ANKS1B: variants seen among roughly 807,000 people sequenced by gnomAD.
ANKS1B encodes the protein ankyrin repeat and sterile alpha motif domain containing 1B, also known as ankyrin repeat and sterile alpha motif domain-containing protein 1B.
In ANKS1B, 36 loss-of-function variants were observed where a neutral mutation model predicts 148.3. The ratio of observed to expected loss-of-function variants is 0.24; its 90% CI spans 0.19 to 0.32. The LOEUF is 0.32. Among genes scored for constraint, ANKS1B ranks in the 10% least tolerant of loss-of-function variants. ANKS1B has a pLI of 1.00. For missense variants in ANKS1B, 1,157 were observed against 1,542.6 expected, an observed-to-expected ratio of 0.75 and a Z score of 4.19; for synonymous variants, 542 against 560.8, an observed-to-expected ratio of 0.97 and a Z score of 0.47.
intron 10 of ANKS1B, among the ~76,000 whole-genome samples, chr12:99,475,601 A>G (rs1002150815): frequency 6.6e-6 from 1 of 151,804 alleles, no homozygotes; most frequent in Non-Finnish European, 1.5e-5. Flanking sequence ...CCATTTTTTT[A>G]TAATTCCATT....
In ANKS1B at chr12:98,745,374, A is replaced by ATTTTTTTTTTTTT. The variant is rs2097857067; in HGVS notation, c.*364_*365insAAAAAAAAAAAAA. 2.7e-6 allele frequency: 2 copies of ATTTTTTTTTTTTT among 747,966 alleles called. No individual in the cohort carries two copies. Among genetic ancestry groups the ATTTTTTTTTTTTT allele is most frequent in the Non-Finnish European group, 1.5e-6 (1 of 651,914 alleles). The allele number at this position is 747,966 out of a possible 1,614,324, so 46.3% of individuals were successfully genotyped here. The stretch of plus-strand genomic sequence containing the variant: ...TTAGGCAGTATTAGAGATCCCCTTT[A>ATTTTTTTTTTTTT]CTTTTTTTTTTTTTTTTTTTTTTTT... On this transcript the variant is annotated 3_prime_UTR_variant, in exon 27 of 27. Transcript: ENST00000683438.
At position 99,676,856 on chromosome 12, in the gene ANKS1B, A is replaced by T. The variant is rs533671052; in HGVS notation, c.1129-21646T>A. 9.8e-5 allele frequency among the ~76,000 whole-genome samples: 15 copies of T among 152,322 alleles called. No individual in the cohort carries two copies. The South Asian group carries it at 3.1e-3, about 32-fold the overall frequency. On this transcript the variant is annotated intron_variant, in intron 8 of 26. Transcript: ENST00000683438. ...GCAAGAACTACCACAGATCCCTAAG[A>T]CTATTGTTCTATAAATGTTAAATTA...
chr12:99,257,642 T>C (rs755992302), intron 12 of ANKS1B, among the ~76,000 whole-genome samples: 2 of 152,180 alleles, frequency 1.3e-5, no homozygotes, highest in Non-Finnish European at 2.9e-5. Flanking sequence ...TCTATAGTCA[T>C]TGAGCGCTAA....
chr12:99,697,965 T>A (rs2054189233), intron 8 of ANKS1B, among the ~76,000 whole-genome samples: 1 of 152,018 alleles, frequency 6.6e-6, no homozygotes, highest in African/African-American at 2.4e-5. Flanking sequence ...TGCTTTTGAT[T>A]AAGAAAAACG....
chr12:98,842,813 A>G (rs1245089774), intron 17 of ANKS1B, among the ~76,000 whole-genome samples: 1 of 152,230 alleles, frequency 6.6e-6, no homozygotes, highest in Non-Finnish European at 1.5e-5. Flanking sequence ...CTAGGAGCCT[A>G]GTACTATTTA....
intron 8 of ANKS1B, among the ~76,000 whole-genome samples, chr12:99,692,824 G>A (rs570567966): frequency 1.3e-5 from 2 of 152,262 alleles, no homozygotes; most frequent in Admixed American, 1.3e-4. Context: ...AAAAGCATGT[G>A]TTCTACTTCG....
chr12:98,979,035 G>T (rs1456994469), intron 17 of ANKS1B, among the ~76,000 whole-genome samples: 3 of 151,508 alleles, frequency 2.0e-5, no homozygotes, highest in Non-Finnish European at 4.4e-5. Context: ...CCAGCTACTC[G>T]GGAGGCTGAG....
At chr12:99,683,956 A>G (rs984112331) in intron 8 of ANKS1B, among the ~76,000 whole-genome samples, 3 of 152,118 alleles carry the variant, frequency 2.0e-5, no homozygotes, top group Non-Finnish European at 4.4e-5. Context: ...GAAGGGACAT[A>G]TCTTAAGGTA....
intron 16 of ANKS1B, among the ~76,000 whole-genome samples, chr12:99,079,023 G>A (rs1565932845): frequency 6.6e-6 from 1 of 152,186 alleles, no homozygotes; most frequent in Non-Finnish European, 1.5e-5. Context: ...TCAGCCAACA[G>A]TGTGTGAGGC....
intron 9 of ANKS1B, among the ~76,000 whole-genome samples, chr12:99,644,897 C>T (rs956728618): frequency 1.3e-5 from 2 of 152,100 alleles, no homozygotes; most frequent in Non-Finnish European, 2.9e-5. Flanking sequence ...CATGGCTGCA[C>T]CACTCTGACC....
At chr12:99,466,065 A>G (rs868497406) in intron 10 of ANKS1B, among the ~76,000 whole-genome samples, 2 of 152,088 alleles carry the variant, frequency 1.3e-5, no homozygotes, top group African/African-American at 2.4e-5. Context: ...AAATGTAAAA[A>G]AACAGAAATT....
chr12:98,819,946 T>C (rs1313893078), intron 19 of ANKS1B, among the ~76,000 whole-genome samples: 1 of 152,196 alleles, frequency 6.6e-6, no homozygotes, highest in Non-Finnish European at 1.5e-5. Context: ...TTGTTTACTA[T>C]CTCTGATTTG....
At chr12:98,735,486 A>G (rs2097768382) in exon 10 of ANKS1B, 3 of 583,550 alleles carry the variant, frequency 5.1e-6, no homozygotes, top group Non-Finnish European at 9.9e-6. Context: ...TTAGACCACT[A>G]AAGTGAAGGA....
At chr12:99,420,683 T>C (rs1457447313) in intron 11 of ANKS1B, among the ~76,000 whole-genome samples, 9 of 152,176 alleles carry the variant, frequency 5.9e-5, no homozygotes, top group African/African-American at 2.2e-4. Context: ...TGAAGGGGTA[T>C]AAGTATATAA....
At chr12:98,980,452 C>T (rs1177119443) in intron 17 of ANKS1B, among the ~76,000 whole-genome samples, 7 of 152,192 alleles carry the variant, frequency 4.6e-5, no homozygotes, top group Admixed American at 2.6e-4. Flanking sequence ...GTGATCTGCC[C>T]GCCTCGGCCT....
intron 15 of ANKS1B, among the ~76,000 whole-genome samples, chr12:99,129,689 C>T (rs2065527478): frequency 6.6e-6 from 1 of 152,152 alleles, no homozygotes; most frequent in African/African-American, 2.4e-5. Context: ...TGGGTTAAAA[C>T]TTTAAAGTCT....
intron 9 of ANKS1B, among the ~76,000 whole-genome samples, chr12:99,580,988 T>C (rs1185006996): frequency 5.3e-5 from 8 of 152,190 alleles, no homozygotes; most frequent in Admixed American, 1.3e-4. Flanking sequence ...TTGACCTATA[T>C]ATTCAGTGCA....
intron 21 of ANKS1B, 118 bp downstream of exon 21, chr12:98,800,879 T>C (rs59767729): frequency 3.1e-6 from 4 of 1,270,476 alleles, no homozygotes; most frequent in Non-Finnish European, 3.2e-6. Context: ...AAAAACATTT[T>C]AAAAATTTCA....
At chr12:98,814,181 T>A (rs543283461) in intron 19 of ANKS1B, among the ~76,000 whole-genome samples, 67 of 152,184 alleles carry the variant, frequency 4.4e-4, no homozygotes, top group African/African-American at 1.6e-3. Flanking sequence ...CGCCTGGCCA[T>A]AATTAAGCTT....
Sources: gnomAD v4.1 joint callset for allele counts (sites outside exome capture counted in the v4.1 genomes callset) on GRCh38, gnomAD v4.1.1 for gene constraint, MANE v1.5 for transcripts, NCBI Gene and HGNC (gene_info 2026-07-23, HGNC 2026-07-21) for gene names.